The following GPR26 variants were observed in gnomAD, a reference collection of about 807,000 sequenced individuals.
GPR26 encodes the protein G protein-coupled receptor 26.
A neutral mutation model predicts 23.1 loss-of-function variants in GPR26; 15 were observed. The observed-to-expected ratio is 0.65, with a 90% confidence interval of 0.43 to 1.00. The LOEUF (loss-of-function observed/expected upper bound fraction) is 1.00. Among genes scored for constraint, GPR26 ranks in the 50% least tolerant of loss-of-function variants. The pLI, the probability that GPR26 is intolerant of heterozygous loss-of-function variation, is 0.00. For synonymous variants in GPR26, 228 were observed against 222.1 expected, an observed-to-expected ratio of 1.03 and a Z score of -0.24; for missense variants, 359 against 470.5, an observed-to-expected ratio of 0.76 and a Z score of 2.19.
chr10:123,680,174 T>C (rs1057425902), intron 2 of GPR26, among the ~76,000 whole-genome samples: 1 of 152,214 alleles, frequency 6.6e-6, no homozygotes, highest in African/African-American at 2.4e-5. Context: ...GTGTGAACCC[T>C]GTTCCGAGTC....
At position 123,695,556 on chromosome 10, in the gene GPR26, G is replaced by A. The variant is rs12240909; in HGVS notation, c.*7396G>A. On this transcript the variant is annotated 3_prime_UTR_variant, in exon 3 of 3. Transcript: ENST00000284674. ...ATCCTCAGGGATTGGGTTTGATGTC[G>A]GGGGAGCATTGGATGCCATCACGTT... 1.3e-5 allele frequency among the ~76,000 whole-genome samples: 2 copies of A among 152,112 alleles called. No homozygotes were observed. Among genetic ancestry groups the A allele is most frequent in the African/African-American group, 2.4e-5 (1 of 41,414 alleles).
In GPR26 at chr10:123,687,918, T is replaced by A. The variant is rs1845446004; in HGVS notation, c.783-11T>A. On this transcript the variant is annotated splice_polypyrimidine_tract_variant and intron_variant, in intron 2 of 2. Transcript: ENST00000284674. ...TATGTCCTCATTAACAGCTTCCCTG[T>A]CTCTCCACAGGCTAGTGGAGCTCTT... The A allele has an allele frequency of 3.2e-6, 5 of 1,571,796 alleles. No homozygotes were observed. The Admixed American group carries it at 5.0e-5, about 16-fold the overall frequency.
intron 1 of GPR26, among the ~76,000 whole-genome samples, chr10:123,667,561 C>G (rs1180993086): frequency 6.4e-5 from 8 of 124,998 alleles, no homozygotes; most frequent in Non-Finnish European, 9.9e-5. Context: ...TGTCTCACGA[C>G]TGTGTGTGTG....
intron 1 of GPR26, 74 bp downstream of exon 1, chr10:123,667,149 A>G (rs2133920256): frequency 8.9e-7 from 1 of 1,128,868 alleles, no homozygotes; most frequent in Non-Finnish European, 1.2e-6. Context: ...CCCTAGCCCC[A>G]GGGGCTCTTT....
rs764347293 is a variant in GPR26 at position 123,667,046 on chromosome 10, G to A, written c.639G>A (p.Thr213=). Residue 213 remains threonine (T), a synonymous_variant, in exon 1 of 3, where the codon ACG becomes ACA. Coordinates refer to ENST00000284674, the MANE Select transcript of GPR26 (RefSeq NM_153442.4). ...CKRIDVITMQ[T]LVLLVDLHPS... is the part of the protein sequence containing the mutation. ...GCATCGACGTGATCACCATGCAGACGCTGGTGCTGCTGGTGGACCTGCACC... is the reference window on the plus strand; with the variant it reads ...GCATCGACGTGATCACCATGCAGACACTGGTGCTGCTGGTGGACCTGCACC... 1.6e-5 allele frequency: 25 copies of A among 1,600,214 alleles called. No homozygotes were observed. The highest frequency in any genetic ancestry group is 2.1e-5 in the Non-Finnish European group (25 of 1,173,612).
Position 123,688,448 on chromosome 10 carries a change from ACACT to A in GPR26, c.*291_*294del, listed in dbSNP as rs1396797899. 2 of 428,966 alleles carry A rather than the reference ACACT, an allele frequency of 4.7e-6. No individual in the cohort carries two copies. The highest frequency in any genetic ancestry group is 4.0e-5 in the African/African-American group (2 of 49,954). 26.6% of individuals were successfully genotyped at this position (428,966 alleles called of 1,614,324 possible). On this transcript the variant is annotated 3_prime_UTR_variant, in exon 3 of 3. Coordinates refer to ENST00000284674, the MANE Select transcript of GPR26 (RefSeq NM_153442.4). ...CTCACCTGAGGCTCCCTGGGGGATG[ACACT>A]CAGTTCTGTCACTGTCAAGGATGCA...
In GPR26 at chr10:123,688,539, C is replaced by G. The variant is rs1036195661; in HGVS notation, c.*379C>G. 5.9e-5 allele frequency: 15 copies of G among 256,228 alleles called. No individual in the cohort carries two copies. Among genetic ancestry groups the G allele is most frequent in the African/African-American group, 3.3e-4 (15 of 45,196 alleles). The allele number at this position is 256,228 out of a possible 1,614,324, so 15.9% of individuals were successfully genotyped here. On this transcript the variant is annotated 3_prime_UTR_variant, in exon 3 of 3. Coordinates refer to ENST00000284674, the MANE Select transcript of GPR26 (RefSeq NM_153442.4). ...TGCCTGCTGACCACTGGACGCTGCT[C>G]CATGCTGAAGAAAAGTGACAGTCTC... is the stretch of plus-strand genomic sequence containing the variant.
intron 1 of GPR26, among the ~76,000 whole-genome samples, chr10:123,667,807 G>A (rs917329409): frequency 3.3e-5 from 5 of 152,134 alleles, no homozygotes; most frequent in Non-Finnish European, 7.4e-5. Context: ...GTTCTCAGGA[G>A]GGCAGATGGA....
At chr10:123,670,329 G>C (rs1415558496) in intron 1 of GPR26, among the ~76,000 whole-genome samples, 1 of 152,198 alleles carries the variant, frequency 6.6e-6, no homozygotes, top group Non-Finnish European at 1.5e-5. Context: ...TCTAAGAGAA[G>C]AGAAGCACTC....
rs567952881 is a variant in GPR26, at chr10:123,696,144, C to G, written c.*7984C>G. Among the ~76,000 whole-genome samples, 71 of 152,354 alleles carry G rather than the reference C, an allele frequency of 4.7e-4. No individual in the cohort carries two copies. The highest frequency in any genetic ancestry group is 1.5e-3 in the African/African-American group (63 of 41,596). On this transcript the variant is annotated 3_prime_UTR_variant, in exon 3 of 3. Coordinates refer to ENST00000284674, the MANE Select transcript of GPR26 (RefSeq NM_153442.4). ...CCTAGGAATGCATAGATCTCTCCTT[C>G]TGCCATAGTATGTCGTGTGTAGTGG...
chr10:123,670,374 TAA>T (rs1845235669), intron 1 of GPR26, among the ~76,000 whole-genome samples: 1 of 152,236 alleles, frequency 6.6e-6, no homozygotes, highest in Non-Finnish European at 1.5e-5. Flanking sequence ...TGTCTCAAGC[TAA>T]GACTCACACT....
chr10:123,671,285 T>C (rs1845246709), intron 1 of GPR26, among the ~76,000 whole-genome samples: 1 of 152,212 alleles, frequency 6.6e-6, no homozygotes, highest in Non-Finnish European at 1.5e-5. Context: ...CTCTGCCCTA[T>C]GACTGGAGCC....
intron 2 of GPR26, among the ~76,000 whole-genome samples, chr10:123,684,034 A>T (rs368690777): frequency 5.9e-5 from 9 of 152,196 alleles, no homozygotes; most frequent in African/African-American, 2.2e-4. Flanking sequence ...CCCCTCCCCC[A>T]ACCTGATCTG....
chr10:123,677,735 G>A (rs1312064806), intron 2 of GPR26, among the ~76,000 whole-genome samples: 9 of 152,178 alleles, frequency 5.9e-5, no homozygotes, highest in Admixed American at 2.6e-4. Flanking sequence ...GGGGCTTCAC[G>A]GACAAGCCTT....
intron 1 of GPR26, among the ~76,000 whole-genome samples, chr10:123,667,510 TTCTCTGAG>T (rs1272686478): frequency 6.6e-6 from 1 of 151,810 alleles, no homozygotes; most frequent in East Asian, 1.9e-4. Flanking sequence ...AGTGTGTCGC[TTCTCTGAG>T]TCTTTCCCTT....
intron 2 of GPR26, among the ~76,000 whole-genome samples, chr10:123,682,609 CT>C (rs1845389964): frequency 6.6e-6 from 1 of 152,200 alleles, no homozygotes; most frequent in African/African-American, 2.4e-5. Context: ...ATCCACATGT[CT>C]GGAAGCATTT....
At chr10:123,667,927 C>G (rs964306998) in intron 1 of GPR26, among the ~76,000 whole-genome samples, 1 of 152,156 alleles carries the variant, frequency 6.6e-6, no homozygotes, top group Non-Finnish European at 1.5e-5. Flanking sequence ...TCAGCTTTCC[C>G]CAGGAGAATA....
At chr10:123,671,374 T>C (rs1413340566) in intron 1 of GPR26, among the ~76,000 whole-genome samples, 2 of 152,164 alleles carry the variant, frequency 1.3e-5, no homozygotes, top group African/African-American at 4.8e-5. Context: ...AACTGTTGTG[T>C]CACAGCCTCG....
chr10:123,677,102 G>C (rs1845319448), intron 2 of GPR26, among the ~76,000 whole-genome samples: 1 of 152,276 alleles, frequency 6.6e-6, no homozygotes, highest in African/African-American at 2.4e-5. Flanking sequence ...GGCACCCTCA[G>C]AGGATAGGTG....
Sources: gnomAD v4.1 joint callset for allele counts (sites outside exome capture counted in the v4.1 genomes callset) on GRCh38, gnomAD v4.1.1 for gene constraint, MANE v1.5 for transcripts, NCBI Gene and HGNC (gene_info 2026-07-23, HGNC 2026-07-21) for gene names.